Variants in DPF3 observed in about 807,000 individuals in gnomAD.
DPF3 encodes double PHD fingers 3.
DPF3 carries 18 observed loss-of-function variants against 56.8 expected under a neutral mutation model. The ratio of observed to expected loss-of-function variants is 0.32; its 90% confidence interval spans 0.22 to 0.47. The LOEUF (loss-of-function observed/expected upper bound fraction) is 0.47, where lower values mean the gene tolerates loss of function less well. Among genes scored for constraint, DPF3 ranks in the 20% least tolerant of loss-of-function variants. The pLI is 1.00. For missense variants in DPF3, 403 were observed against 488.8 expected, an observed-to-expected ratio of 0.82 and a Z score of 1.65; for synonymous variants, 188 against 180.2, an observed-to-expected ratio of 1.04 and a Z score of -0.35.
Position 72,756,963 on chromosome 14 carries a change from G to GAAA in DPF3, c.194-3593_194-3592insTTT, listed in dbSNP as rs1489976363. Among the ~76,000 whole-genome samples the GAAA allele has an allele frequency of 3.4e-3, 434 of 126,852 alleles. 2 individuals carry two copies. The highest frequency in any genetic ancestry group is 7.7e-3 in the South Asian group (28 of 3,638). The allele number at this position is 126,852 out of a possible 152,430, so 83.2% of individuals were successfully genotyped here. On this transcript the variant is annotated intron_variant, in intron 2 of 10. Transcript: ENST00000556509. Reference sequence around the variant, plus strand: ...GAGAAGAGAAAGGGAGAGGGAAAGAGGGGGAGAGAGGGAAAGAGGGGGAGA... The same window carrying GAAA: ...GAGAAGAGAAAGGGAGAGGGAAAGAGAAAGGGGAGAGAGGGAAAGAGGGGGAGA...
chr14:72,845,505 C>A (rs1393879903), intron 1 of DPF3, among the ~76,000 whole-genome samples: 1 of 152,198 alleles, frequency 6.6e-6, no homozygotes, highest in Non-Finnish European at 1.5e-5. Flanking sequence ...TCCACAGGCA[C>A]AGGTGAGGCC....
chr14:72,876,106 G>A (rs1420792416), intron 1 of DPF3, among the ~76,000 whole-genome samples: 1 of 152,264 alleles, frequency 6.6e-6, no homozygotes, highest in Non-Finnish European at 1.5e-5. Flanking sequence ...TACAGAAAGG[G>A]AAGAAGTCAT....
At chr14:72,805,051 G>GACACACACACAC (rs138162317) in intron 1 of DPF3, among the ~76,000 whole-genome samples, 5,608 of 146,446 alleles carry the variant, frequency 0.038, 394 homozygotes, top group African/African-American at 0.13. Flanking sequence ...CACAGCCCTG[G>GACACACACACAC]ACACACACAC....
intron 1 of DPF3, chr14:72,836,058 G>A (rs1884281544): frequency 1.0e-6 from 1 of 985,338 alleles, no homozygotes; most frequent in Non-Finnish European, 1.2e-6. Flanking sequence ...GGAGACACAA[G>A]TGGCTTTGAA....
At chr14:72,748,709 G>A (rs1447078531) in intron 3 of DPF3, among the ~76,000 whole-genome samples, 1 of 152,170 alleles carries the variant, frequency 6.6e-6, no homozygotes, top group African/African-American at 2.4e-5. Context: ...TTGGTGTCCT[G>A]TGTCCCAGCT....
intron 7 of DPF3, among the ~76,000 whole-genome samples, chr14:72,690,850 C>T (rs895987943): frequency 7.9e-5 from 12 of 152,098 alleles, no homozygotes; most frequent in African/African-American, 2.2e-4. Context: ...TTAGAGAGCG[C>T]GACAATGGCG....
intron 8 of DPF3, among the ~76,000 whole-genome samples, chr14:72,639,039 G>A (rs868246432): frequency 1.6e-4 from 24 of 152,046 alleles, no homozygotes; most frequent in South Asian, 6.2e-4. Flanking sequence ...GGATGGTCTC[G>A]ATCTCCTAAC....
intron 1 of DPF3, chr14:72,773,701 A>C (rs979565326): frequency 2.5e-6 from 1 of 399,672 alleles, no homozygotes; most frequent in African/African-American, 2.1e-5. Context: ...GTACTTCATA[A>C]AAGTGGAGTC....
intron 1 of DPF3, among the ~76,000 whole-genome samples, chr14:72,795,287 A>ATATAT (rs1371528147): frequency 4.0e-5 from 5 of 124,970 alleles, no homozygotes; most frequent in African/African-American, 8.9e-5. Context: ...CAAAAAAAAA[A>ATATAT]AAAAAAAAAT....
chr14:72,752,398 C>T (rs957899069), intron 3 of DPF3, among the ~76,000 whole-genome samples: 1 of 152,236 alleles, frequency 6.6e-6, no homozygotes, highest in Non-Finnish European at 1.5e-5. Context: ...CATGGTGGCT[C>T]ATGCCTATAA....
Position 72,816,189 on chromosome 14 carries a change from T to C in DPF3, c.33-44296A>G, listed in dbSNP as rs551675352. Among the ~76,000 whole-genome samples, 75 of 152,270 alleles carry C rather than the reference T, an allele frequency of 4.9e-4. 1 individual carries two copies. The highest frequency in any genetic ancestry group is 9.3e-4 in the Non-Finnish European group (63 of 68,010). ...TCAGAGCCCTGCACTCCCACCCTTG[T>C]ACACTGCACCAGCAGCTAAGCCTGT... On this transcript the variant is annotated intron_variant, in intron 1 of 10. Coordinates refer to ENST00000556509, the MANE Select transcript of DPF3 (RefSeq NM_001280542.3).
At position 72,797,599 on chromosome 14, in the gene DPF3, T is replaced by C. The variant is rs535724549; in HGVS notation, c.33-25706A>G. Among the ~76,000 whole-genome samples the C allele has an allele frequency of 8.5e-5, 13 of 152,344 alleles. 1 individual carries two copies. In the South Asian group the frequency reaches 2.5e-3, roughly 29 times the overall value. On this transcript the variant is annotated intron_variant, in intron 1 of 10. Transcript: ENST00000556509. ...AATCATGTAAGATCGCATAATTCTA[T>C]TGAGATACTTCAGCTTAAAGAATAT...
At chr14:72,891,480 G>C (rs1171947563) in intron 1 of DPF3, among the ~76,000 whole-genome samples, 2 of 151,972 alleles carry the variant, frequency 1.3e-5, no homozygotes, top group Non-Finnish European at 2.9e-5. Flanking sequence ...CATCCCTTCG[G>C]CTGGATGTGT....
At position 72,868,566 on chromosome 14, in the gene DPF3, A is replaced by T. The variant is rs138208229; in HGVS notation, c.32+25491T>A. Among the ~76,000 whole-genome samples, 1,184 of 152,302 alleles carry T rather than the reference A, an allele frequency of 7.8e-3. 26 individuals are homozygous for T. Among genetic ancestry groups the T allele is most frequent in the Non-Finnish European group, 5.1e-3 (346 of 68,014 alleles). ...GAATCTACCTTTCCATCAGTCACAC[A>T]GGTGCCCCTCCTGTAGGTAGTCCTC... is the stretch of plus-strand genomic sequence containing the variant. On this transcript the variant is annotated intron_variant, in intron 1 of 10. Coordinates refer to ENST00000556509, the MANE Select transcript of DPF3 (RefSeq NM_001280542.3).
chr14:72,891,728 T>C (rs369665255), intron 1 of DPF3, among the ~76,000 whole-genome samples: 1 of 152,120 alleles, frequency 6.6e-6, no homozygotes, highest in African/African-American at 2.4e-5. Context: ...GTATTGTTTA[T>C]ACCCCTTTAC....
At chr14:72,848,318 C>T (rs939437404) in intron 1 of DPF3, among the ~76,000 whole-genome samples, 1 of 152,120 alleles carries the variant, frequency 6.6e-6, no homozygotes, top group African/African-American at 2.4e-5. Flanking sequence ...CATGCACCAC[C>T]ATGCCCGGCT....
intron 1 of DPF3, among the ~76,000 whole-genome samples, chr14:72,837,566 C>CA (rs1039203744): frequency 6.6e-6 from 1 of 151,542 alleles, no homozygotes; most frequent in African/African-American, 2.4e-5. Flanking sequence ...GGTGAAACCC[C>CA]ATCTCTACTA....
chr14:72,880,074 G>C, intron 1 of DPF3: 2 of 1,064,878 alleles, frequency 1.9e-6, no homozygotes, highest in African/African-American at 3.2e-5. Flanking sequence ...AACAGACATA[G>C]TAAGTTTTCA....
At chr14:72,754,113 A>G (rs941066465) in intron 2 of DPF3, among the ~76,000 whole-genome samples, 6 of 152,064 alleles carry the variant, frequency 3.9e-5, no homozygotes, top group Non-Finnish European at 5.9e-5. Flanking sequence ...AAGCACCATG[A>G]GGAGCCTTCC....
Sources: gnomAD v4.1 joint callset for allele counts (sites outside exome capture counted in the v4.1 genomes callset) on GRCh38, gnomAD v4.1.1 for gene constraint, MANE v1.5 for transcripts, NCBI Gene and HGNC (gene_info 2026-07-23, HGNC 2026-07-21) for gene names.